Variants in ABLIM3 observed in about 807,000 individuals in gnomAD.
ABLIM3 encodes the protein actin-binding LIM protein 3.
In ABLIM3, 61 loss-of-function variants were observed where a neutral mutation model predicts 109.5. The ratio of observed to expected loss-of-function variants is 0.56; its 90% CI spans 0.45 to 0.69. The LOEUF is 0.69. Among genes scored for constraint, ABLIM3 ranks in the 30% least tolerant of loss-of-function variants. The pLI is 0.00. For missense variants in ABLIM3, 796 were observed against 889.5 expected, an observed-to-expected ratio of 0.89 and a Z score of 1.34; for synonymous variants, 300 against 324.8, an observed-to-expected ratio of 0.92 and a Z score of 0.82.
intron 21 of ABLIM3, 131 bp from the exon 22 acceptor site, chr5:149,252,070 C>T: frequency 1.0e-6 from 1 of 1,002,558 alleles, no homozygotes; most frequent in South Asian, 1.8e-5. Context: ...AGGACAAGGT[C>T]TCTGATGGTC....
At position 149,259,524 on chromosome 5, in the gene ABLIM3, C is replaced by A; in HGVS notation, c.*1120C>A. On this transcript the variant is annotated 3_prime_UTR_variant, in exon 24 of 24. Coordinates refer to ENST00000309868, the MANE Select transcript of ABLIM3 (RefSeq NM_014945.5). ...CCCCGCCAGTCCTCGGCTCCTGCTG[C>A]AAAGTTGGCCATGTTTCACAGGGAA... is the stretch of plus-strand genomic sequence containing the variant. The A allele has an allele frequency of 6.5e-7, 1 of 1,536,286 alleles. No homozygotes were observed. Among genetic ancestry groups the A allele is most frequent in the East Asian group, 2.4e-5 (1 of 40,920 alleles).
chr5:149,142,530 G>C (rs1027124210), intron 2 of ABLIM3, among the ~76,000 whole-genome samples: 1 of 152,174 alleles, frequency 6.6e-6, no homozygotes, highest in Non-Finnish European at 1.5e-5. Flanking sequence ...GGGTAGGTGG[G>C]TGTGGGCAGG....
intron 15 of ABLIM3, 72 bp downstream of exon 15, chr5:149,242,610 C>A: frequency 2.0e-6 from 3 of 1,488,074 alleles, no homozygotes; most frequent in Admixed American, 1.7e-5. Flanking sequence ...GCAGATGGCC[C>A]TGCACAGGCC....
chr5:149,145,217 C>A (rs146904324), intron 2 of ABLIM3, among the ~76,000 whole-genome samples: 21 of 152,176 alleles, frequency 1.4e-4, no homozygotes, highest in African/African-American at 4.8e-4. Flanking sequence ...TGTTTAGCTC[C>A]CACTTATAAG....
chr5:149,182,668 T>C (rs1756567759), intron 2 of ABLIM3, among the ~76,000 whole-genome samples: 1 of 152,180 alleles, frequency 6.6e-6, no homozygotes, highest in South Asian at 2.1e-4. Context: ...TATACTAAAA[T>C]TGGAGATGGT....
chr5:149,246,352 G>C (rs1339281702), intron 16 of ABLIM3, 130 bp from the exon 17 acceptor site: 2 of 864,124 alleles, frequency 2.3e-6, no homozygotes, highest in Non-Finnish European at 3.5e-6. Flanking sequence ...TAGCTTAAAC[G>C]AGACTGTTTC....
chr5:149,225,980 G>GTATATA (rs1761199218), intron 8 of ABLIM3, among the ~76,000 whole-genome samples: 1 of 21,916 alleles, frequency 4.6e-5, no homozygotes, highest in Admixed American at 4.9e-4. Flanking sequence ...GTGTGTGTGT[G>GTATATA]TGTATATATA....
In ABLIM3 at chr5:149,239,987, C is replaced by T. The variant is rs144314819; in HGVS notation, c.1204+99C>T. 18 of 1,452,622 alleles carry T rather than the reference C, an allele frequency of 1.2e-5. No individual in the cohort carries two copies. In the East Asian group the frequency reaches 4.8e-4, roughly 39 times the overall value. The allele number at this position is 1,452,622 out of a possible 1,614,324, so 90.0% of individuals were successfully genotyped here. On this transcript the variant is annotated intron_variant, in intron 13 of 23. Transcript: ENST00000309868. Reference sequence around the variant, plus strand: ...AGAGGGCACAAGGCTCCCCCATGATCTCCATCACAGTGTGGCCCTCTGGAG... The same window carrying T: ...AGAGGGCACAAGGCTCCCCCATGATTTCCATCACAGTGTGGCCCTCTGGAG...
intron 18 of ABLIM3, among the ~76,000 whole-genome samples, chr5:149,248,446 C>T (rs1253460225): frequency 6.6e-6 from 1 of 152,102 alleles, no homozygotes; most frequent in South Asian, 2.1e-4. Flanking sequence ...AATCCCAGCA[C>T]TTTAGGAGGC....
rs1754710132 is a variant in ABLIM3, at chr5:149,259,324, T to C, written c.*920T>C. 7.0e-7 allele frequency: 1 copy of C among 1,421,510 alleles called. No individual in the cohort carries two copies. The highest frequency in any genetic ancestry group is 9.2e-7 in the Non-Finnish European group (1 of 1,090,796). The allele number at this position is 1,421,510 out of a possible 1,614,324, so 88.1% of individuals were successfully genotyped here. On this transcript the variant is annotated 3_prime_UTR_variant, in exon 24 of 24. Coordinates refer to ENST00000309868, the MANE Select transcript of ABLIM3 (RefSeq NM_014945.5). ...CTTGTATTCTTTAGCCTTATTACAA[T>C]CTATGTGCCTGACAACTCAACACAC...
intron 7 of ABLIM3, 28 bp from the exon 8 acceptor site, chr5:149,216,931 C>A: frequency 6.2e-7 from 1 of 1,605,970 alleles, no homozygotes; most frequent in Non-Finnish European, 8.5e-7. Context: ...TGGCTCTGAC[C>A]TCCTGTTTCA....
At chr5:149,222,504 T>C (rs1204118837) in intron 8 of ABLIM3, among the ~76,000 whole-genome samples, 1 of 152,126 alleles carries the variant, frequency 6.6e-6, no homozygotes, top group African/African-American at 2.4e-5. Context: ...GGTCCATAGC[T>C]TTCATCAGAT....
At chr5:149,161,838 G>T (rs1754397862) in intron 2 of ABLIM3, among the ~76,000 whole-genome samples, 1 of 152,024 alleles carries the variant, frequency 6.6e-6, no homozygotes. Flanking sequence ...ATATTTTAGG[G>T]CACAGAATGG....
In ABLIM3 at chr5:149,240,614, C is replaced by T. The variant is rs551710822; in HGVS notation, c.1205-62C>T. 2.0e-5 allele frequency: 27 copies of T among 1,341,262 alleles called. No homozygotes were observed. In the Admixed American group the frequency reaches 3.5e-4, roughly 17 times the overall value. 83.1% of individuals were successfully genotyped at this position (1,341,262 alleles called of 1,614,324 possible). A position where few individuals can be genotyped will look rare whatever the true frequency, so the allele number is the denominator to read the frequency against. ...CTCACCACTTCCTAAACTGCCACCG[C>T]GTTAATGCCTGTTTTCTCTGTGCCT... On this transcript the variant is annotated intron_variant, in intron 13 of 23. Coordinates refer to ENST00000309868, the MANE Select transcript of ABLIM3 (RefSeq NM_014945.5).
Position 149,259,862 on chromosome 5 carries a change from A to C in ABLIM3, c.*1458A>C. 1 of 476,104 alleles carries C rather than the reference A, an allele frequency of 2.1e-6. No individual in the cohort carries two copies. Among genetic ancestry groups the C allele is most frequent in the Non-Finnish European group, 3.8e-6 (1 of 261,136 alleles). The allele number at this position is 476,104 out of a possible 1,614,324, so 29.5% of individuals were successfully genotyped here. A position where few individuals can be genotyped will look rare whatever the true frequency, so the allele number is the denominator to read the frequency against. ...CATGGCAAATGTAGAACTGACTTAA[A>C]TTGAACAAACCCTCACTGAGCACCT... On this transcript the variant is annotated 3_prime_UTR_variant, in exon 24 of 24. Transcript: ENST00000309868.
intron 5 of ABLIM3, among the ~76,000 whole-genome samples, chr5:149,204,866 C>G (rs1402635031): frequency 6.6e-6 from 1 of 152,222 alleles, no homozygotes; most frequent in Non-Finnish European, 1.5e-5. Context: ...GCGCTGTACT[C>G]TCTCCTACAG....
At chr5:149,148,386 G>A (rs1162528168) in intron 2 of ABLIM3, among the ~76,000 whole-genome samples, 1 of 152,150 alleles carries the variant, frequency 6.6e-6, no homozygotes, top group Non-Finnish European at 1.5e-5. Flanking sequence ...GGCTCATACT[G>A]AGTCAGTACA....
At chr5:149,161,313 C>G (rs138379181) in intron 2 of ABLIM3, among the ~76,000 whole-genome samples, 1 of 152,138 alleles carries the variant, frequency 6.6e-6, no homozygotes, top group Admixed American at 6.5e-5. Context: ...GAGAATGATC[C>G]GGGAAAGACT....
intron 22 of ABLIM3, 36 bp from the exon 23 acceptor site, chr5:149,252,721 T>C (rs780322546): frequency 4.5e-6 from 7 of 1,543,192 alleles, no homozygotes; most frequent in Non-Finnish European, 6.3e-6. Flanking sequence ...CCCACCACCC[T>C]CACCCAAGCT....
Sources: gnomAD v4.1 joint callset for allele counts (sites outside exome capture counted in the v4.1 genomes callset) on GRCh38, gnomAD v4.1.1 for gene constraint, MANE v1.5 for transcripts, NCBI Gene and HGNC (gene_info 2026-07-23, HGNC 2026-07-21) for gene names.